Variants in CSMD1 observed in about 807,000 individuals in gnomAD.
The protein encoded by CSMD1 is CUB and sushi domain-containing protein 1.
Under a neutral mutation model 417.5 loss-of-function variants are expected in CSMD1, and 213 were observed. The ratio of observed to expected loss-of-function variants is 0.51; its 90% CI spans 0.46 to 0.57. The LOEUF (loss-of-function observed/expected upper bound fraction) is 0.57, where lower values mean the gene tolerates loss of function less well. Among genes scored for constraint, CSMD1 ranks in the 20% least tolerant of loss-of-function variants. The probability of loss-of-function intolerance (pLI) is 0.00; values close to 1 mark genes in which losing one functional copy is unlikely to be tolerated. For missense variants in CSMD1, 6,923 were observed against 4,529.7 expected, an observed-to-expected ratio of 1.53 and a Z score of -15.17; for synonymous variants, 2,862 against 1,736.8, an observed-to-expected ratio of 1.65 and a Z score of -16.11.
chr8:2,987,486 T>G (rs925779522), intron 54 of CSMD1, among the ~76,000 whole-genome samples: 1 of 150,630 alleles, frequency 6.6e-6, no homozygotes, highest in Non-Finnish European at 1.5e-5. Context: ...ATACATAAAA[T>G]GCAATAAAAT....
chr8:4,462,571 T>C (rs1799901198), intron 2 of CSMD1, among the ~76,000 whole-genome samples: 1 of 152,154 alleles, frequency 6.6e-6, no homozygotes, highest in Non-Finnish European at 1.5e-5. Context: ...TCAATATTCA[T>C]ACCTACCTGA....
At chr8:3,682,585 C>A (rs1377733973) in intron 7 of CSMD1, among the ~76,000 whole-genome samples, 1 of 152,168 alleles carries the variant, frequency 6.6e-6, no homozygotes, top group Admixed American at 6.5e-5. Context: ...CACTTTGACA[C>A]TGTTGGTGGG....
At chr8:4,434,617 C>A (rs1204443572) in intron 2 of CSMD1, among the ~76,000 whole-genome samples, 2 of 152,094 alleles carry the variant, frequency 1.3e-5, no homozygotes, top group East Asian at 3.8e-4. Flanking sequence ...AAATTTCCAC[C>A]CAATTAAAGA....
intron 1 of CSMD1, among the ~76,000 whole-genome samples, chr8:4,987,871 T>C (rs1318014236): frequency 7.9e-5 from 12 of 152,178 alleles, no homozygotes; most frequent in Admixed American, 2.0e-4. Flanking sequence ...GACTCTAAGG[T>C]GTTCACCTAT....
chr8:3,393,110 C>G (rs1182858053), intron 17 of CSMD1, among the ~76,000 whole-genome samples: 7 of 152,192 alleles, frequency 4.6e-5, no homozygotes, highest in Admixed American at 2.0e-4. Flanking sequence ...AGTCAAGGTT[C>G]AGTATCACAT....
At chr8:3,877,124 A>G (rs1805875903) in intron 5 of CSMD1, among the ~76,000 whole-genome samples, 1 of 152,310 alleles carries the variant, frequency 6.6e-6, no homozygotes, top group South Asian at 2.1e-4. Flanking sequence ...TCGGTGAAGC[A>G]GGCGAATTTT....
intron 5 of CSMD1, among the ~76,000 whole-genome samples, chr8:3,823,573 C>T (rs1435616649): frequency 6.6e-6 from 1 of 151,998 alleles, no homozygotes; most frequent in Admixed American, 6.6e-5. Flanking sequence ...AATTATAATG[C>T]AATGGATACA....
intron 7 of CSMD1, among the ~76,000 whole-genome samples, chr8:3,618,857 C>A (rs1206282644): frequency 6.6e-6 from 1 of 152,172 alleles, no homozygotes; most frequent in Non-Finnish European, 1.5e-5. Context: ...GGCCCAGTGA[C>A]CAGTTTCCTC....
intron 37 of CSMD1, among the ~76,000 whole-genome samples, chr8:3,173,407 G>C (rs919960249): frequency 6.6e-6 from 1 of 152,176 alleles, no homozygotes; most frequent in Non-Finnish European, 1.5e-5. Context: ...GGATGAGAGA[G>C]ACATGAATAA....
At chr8:4,441,951 A>C (rs1026052121) in intron 2 of CSMD1, among the ~76,000 whole-genome samples, 11 of 152,186 alleles carry the variant, frequency 7.2e-5, no homozygotes, top group Admixed American at 4.6e-4. Context: ...TGTACTGAGA[A>C]ACTCAGGGGC....
At chr8:4,799,473 C>A (rs573227593) in intron 1 of CSMD1, among the ~76,000 whole-genome samples, 1 of 151,750 alleles carries the variant, frequency 6.6e-6, no homozygotes, top group East Asian at 2.0e-4. Flanking sequence ...ATGGTGTGTG[C>A]CTGTAGCCCC....
chr8:4,082,613 T>C (rs1800198587), intron 3 of CSMD1, among the ~76,000 whole-genome samples: 1 of 152,108 alleles, frequency 6.6e-6, no homozygotes, highest in Non-Finnish European at 1.5e-5. Flanking sequence ...TTCGTTTTAT[T>C]TTATTTTATT....
At chr8:4,338,286 T>G (rs545506129) in intron 3 of CSMD1, among the ~76,000 whole-genome samples, 2 of 152,162 alleles carry the variant, frequency 1.3e-5, no homozygotes, top group African/African-American at 4.8e-5. Flanking sequence ...AAGAGTTCAA[T>G]GCAGTAGTTG....
intron 1 of CSMD1, among the ~76,000 whole-genome samples, chr8:4,736,027 T>C (rs1810210854): frequency 6.6e-6 from 1 of 152,184 alleles, no homozygotes; most frequent in African/African-American, 2.4e-5. Flanking sequence ...CTGGAGACAC[T>C]CAGGCTATTA....
intron 41 of CSMD1, among the ~76,000 whole-genome samples, chr8:3,125,049 A>G (rs759339698): frequency 1.3e-5 from 2 of 152,218 alleles, no homozygotes; most frequent in Non-Finnish European, 2.9e-5. Flanking sequence ...TTTGATGTAT[A>G]AAGTCATATT....
In CSMD1 at chr8:3,586,119, C is replaced by G; in HGVS notation, c.1222+17G>C. On this transcript the variant is annotated intron_variant, in intron 9 of 69. Transcript: ENST00000635120. ...AGAAAGAGATAATCCAGGCTTTACC[C>G]ACCGCAGGTGCCTTACCTCGGCAGA... 3.7e-6 allele frequency: 6 copies of G among 1,605,512 alleles called. No homozygotes were observed. In the South Asian group the frequency reaches 6.7e-5, roughly 18 times the overall value.
At chr8:4,232,243 G>C (rs866406053) in intron 3 of CSMD1, among the ~76,000 whole-genome samples, 1 of 152,036 alleles carries the variant, frequency 6.6e-6, no homozygotes, top group Non-Finnish European at 1.5e-5. Flanking sequence ...TCAGTCACCA[G>C]GCTGTAGTGC....
At chr8:3,745,888 G>A (rs565174383) in intron 6 of CSMD1, among the ~76,000 whole-genome samples, 2 of 152,302 alleles carry the variant, frequency 1.3e-5, no homozygotes, top group Non-Finnish European at 2.9e-5. Context: ...TGCCTGGGGA[G>A]CAGTCACTAC....
At chr8:3,925,099 C>T (rs1052842115) in intron 5 of CSMD1, among the ~76,000 whole-genome samples, 1 of 152,174 alleles carries the variant, frequency 6.6e-6, no homozygotes, top group Non-Finnish European at 1.5e-5. Context: ...CTTATTCTTT[C>T]TTACCAGTCA....
Sources: gnomAD v4.1 joint callset for allele counts (sites outside exome capture counted in the v4.1 genomes callset) on GRCh38, gnomAD v4.1.1 for gene constraint, MANE v1.5 for transcripts, NCBI Gene and HGNC (gene_info 2026-07-23, HGNC 2026-07-21) for gene names.